SORCS1: variants seen among roughly 807,000 people sequenced by gnomAD.
The protein encoded by SORCS1 is VPS10 domain-containing receptor SorCS1.
Under a neutral mutation model 146.1 loss-of-function variants are expected in SORCS1, and 60 were observed. The ratio of observed to expected loss-of-function variants is 0.41; its 90% CI spans 0.33 to 0.51. The LOEUF (loss-of-function observed/expected upper bound fraction) is 0.51, where lower values mean the gene tolerates loss of function less well. Ranked by LOEUF, SORCS1 falls within the 20% of genes least tolerant of loss-of-function variation. The pLI is 0.21. For missense variants in SORCS1, 1,352 were observed against 1,487.6 expected (o/e 0.91, Z 1.50); for synonymous variants, 637 against 584.0 (o/e 1.09, Z -1.31).
rs1177991445 is a variant in SORCS1 at position 106,960,047 on chromosome 10, T to C, written c.559-3467A>G. 6.6e-6 allele frequency among the ~76,000 whole-genome samples: 1 copy of C among 152,198 alleles called. No homozygotes were observed. Among genetic ancestry groups the C allele is most frequent in the Non-Finnish European group, 1.5e-5 (1 of 68,046 alleles). ...GCATATCCATCAGCACCCCATTTAT[T>C]TCTGTATCTTGTTTTCATTATACAG... On this transcript the variant is annotated intron_variant, in intron 1 of 25. Coordinates refer to ENST00000263054, the MANE Select transcript of SORCS1 (RefSeq NM_052918.5). The surrounding 1 kb of genome is among the most constrained non-coding windows in gnomAD (Gnocchi z 4.4).
chr10:107,035,208 T>G (rs1958843473), intron 1 of SORCS1, among the ~76,000 whole-genome samples: 1 of 150,270 alleles, frequency 6.7e-6, no homozygotes, highest in South Asian at 2.1e-4. Flanking sequence ...GAGACTTATA[T>G]TCTGTGCCAG....
At chr10:107,024,042 C>T (rs540832608) in intron 1 of SORCS1, among the ~76,000 whole-genome samples, 9 of 152,052 alleles carry the variant, frequency 5.9e-5, no homozygotes, top group East Asian at 1.9e-4. Context: ...GGCATGGTGG[C>T]GTATGCCTGT....
intron 2 of SORCS1, among the ~76,000 whole-genome samples, chr10:106,913,418 G>T (rs559485491): frequency 6.6e-6 from 1 of 152,256 alleles, no homozygotes; most frequent in South Asian, 2.1e-4. Flanking sequence ...AAAGACCCAG[G>T]AACTGACTTC....
At chr10:106,807,640 G>T (rs1352675848) in intron 3 of SORCS1, among the ~76,000 whole-genome samples, 1 of 152,240 alleles carries the variant, frequency 6.6e-6, no homozygotes, top group Non-Finnish European at 1.5e-5. Flanking sequence ...AACAGCAATT[G>T]CCCTGGCCAG....
At chr10:107,176,827 TTTTTATATATATAGTG>T in the SORCS1 span, among the ~76,000 whole-genome samples, 1 of 152,210 alleles carries the variant, frequency 6.6e-6, no homozygotes, top group African/African-American at 2.4e-5. Flanking sequence ...CCCTTAGTGT[TTTTTATATATATAGTG>T]TTTTATATAT....
At position 106,618,194 on chromosome 10, in the gene SORCS1, C is replaced by A. The variant is rs756679103; in HGVS notation, c.2875G>T (p.Ala959Ser). ...GTGTCTTGTAGGATGGCATTCCCAG[C>A]TGAGACCTGCACTGTGATGGTATTC... ...GMNTITVQVS[A>S]GNAILQDTKT... Residue 959 changes from alanine (A) to serine (S), a missense_variant, in exon 21 of 26, where the codon GCT becomes TCT. By Grantham distance (99) the Ala-to-Ser change is moderately conservative (BLOSUM62 1). This residue lies in a region of SORCS1 where 648 missense variants were observed against 793.8 expected (regional missense o/e 0.82). Coordinates refer to ENST00000263054, the MANE Select transcript of SORCS1 (RefSeq NM_052918.5). The A allele has an allele frequency of 1.2e-6, 2 of 1,614,018 alleles. No homozygotes were observed. The highest frequency in any genetic ancestry group is 1.3e-5 in the African/African-American group (1 of 74,930).
the SORCS1 span, among the ~76,000 whole-genome samples, chr10:107,179,384 C>T: frequency 2.0e-5 from 3 of 152,130 alleles, no homozygotes; most frequent in African/African-American, 4.8e-5. Flanking sequence ...TGTATAGACA[C>T]CACATACTCT....
chr10:106,609,453 A>T (rs936741194), intron 22 of SORCS1, among the ~76,000 whole-genome samples: 2 of 152,222 alleles, frequency 1.3e-5, no homozygotes, highest in Non-Finnish European at 2.9e-5. Flanking sequence ...GCTGACTCTC[A>T]GTTGTACCTC....
chr10:107,108,269 G>C (rs1171694958), intron 1 of SORCS1, among the ~76,000 whole-genome samples: 1 of 152,178 alleles, frequency 6.6e-6, no homozygotes, highest in Non-Finnish European at 1.5e-5. Flanking sequence ...AGAAGTACCT[G>C]AGACTGGATA....
intron 9 of SORCS1, among the ~76,000 whole-genome samples, chr10:106,691,266 T>G (rs1295628379): frequency 1.3e-5 from 2 of 152,184 alleles, no homozygotes; most frequent in Non-Finnish European, 2.9e-5. Context: ...ACAGAATTTC[T>G]GATGACAAAC....
intron 2 of SORCS1, among the ~76,000 whole-genome samples, chr10:106,937,016 T>C (rs1182805018): frequency 6.6e-6 from 1 of 152,172 alleles, no homozygotes; most frequent in African/African-American, 2.4e-5. Flanking sequence ...TACCAGATGA[T>C]ACGGTTTGGC....
chr10:107,025,896 T>C (rs1239346263), intron 1 of SORCS1, among the ~76,000 whole-genome samples: 1 of 152,166 alleles, frequency 6.6e-6, no homozygotes, highest in Non-Finnish European at 1.5e-5. Flanking sequence ...GCTGAAATAA[T>C]GCTGACATGA....
intron 2 of SORCS1, among the ~76,000 whole-genome samples, chr10:106,858,575 T>A (rs1005471545): frequency 7.9e-6 from 1 of 126,196 alleles, no homozygotes; most frequent in African/African-American, 3.1e-5. Flanking sequence ...ACCACTGCAC[T>A]CCAGCCTGGG....
chr10:106,631,918 G>A (rs572980363), intron 18 of SORCS1, among the ~76,000 whole-genome samples: 1 of 152,168 alleles, frequency 6.6e-6, no homozygotes, highest in East Asian at 1.9e-4. Context: ...GCTGGGTTTT[G>A]TTTCATGATA....
the SORCS1 span, among the ~76,000 whole-genome samples, chr10:107,173,748 T>C: frequency 1.2e-4 from 18 of 152,312 alleles, no homozygotes; most frequent in East Asian, 5.8e-4. Flanking sequence ...AAGGTTCATG[T>C]TGTAGTATAT....
At chr10:106,832,726 G>T (rs1948606062) in intron 2 of SORCS1, among the ~76,000 whole-genome samples, 1 of 152,068 alleles carries the variant, frequency 6.6e-6, no homozygotes, top group African/African-American at 2.4e-5. Flanking sequence ...TGTAAATACT[G>T]CTATATTAAT....
At chr10:106,626,596 A>G (rs1002290728) in intron 19 of SORCS1, among the ~76,000 whole-genome samples, 1 of 152,168 alleles carries the variant, frequency 6.6e-6, no homozygotes, top group African/African-American at 2.4e-5. Context: ...TTGAGCATAA[A>G]GTGATGCCAG....
chr10:106,681,694 CCAAA>C (rs1482891009), intron 10 of SORCS1, among the ~76,000 whole-genome samples: 1 of 152,140 alleles, frequency 6.6e-6, no homozygotes, highest in Non-Finnish European at 1.5e-5. Context: ...TTCTGCACCA[CCAAA>C]CAGAGGAGGA....
intron 5 of SORCS1, among the ~76,000 whole-genome samples, chr10:106,751,386 G>C (rs908656974): frequency 6.6e-6 from 1 of 152,066 alleles, no homozygotes; most frequent in African/African-American, 2.4e-5. Context: ...AAAGAAGAGC[G>C]AACAAAGTCC....
Sources: allele counts gnomAD v4.1 joint callset (sites outside exome capture counted in the v4.1 genomes callset), GRCh38; gene constraint gnomAD v4.1.1; regional missense constraint gnomAD v4.1.1; non-coding constraint Gnocchi (gnomAD v3.1); transcripts MANE v1.5; gene names NCBI Gene and HGNC (gene_info 2026-07-23, HGNC 2026-07-21).